Variants in LRBA observed in about 807,000 individuals in gnomAD.
The protein encoded by LRBA is lipopolysaccharide-responsive and beige-like anchor protein.
In LRBA, 176 loss-of-function variants were observed where a neutral mutation model predicts 330.0. The ratio of observed to expected loss-of-function variants is 0.53; its 90% CI spans 0.47 to 0.60. The LOEUF (loss-of-function observed/expected upper bound fraction) is 0.60. Ranked by LOEUF, LRBA falls within the 20% of genes least tolerant of loss-of-function variation. The probability of loss-of-function intolerance (pLI) is 0.00; values close to 1 mark genes in which losing one functional copy is unlikely to be tolerated. For missense variants in LRBA, 3,259 were observed against 3,444.8 expected (o/e 0.95, Z 1.35); for synonymous variants, 1,230 against 1,193.0 (o/e 1.03, Z -0.64).
At chr4:150,744,194 A>T (rs964757835) in intron 35 of LRBA, among the ~76,000 whole-genome samples, 6 of 152,236 alleles carry the variant, frequency 3.9e-5, no homozygotes, top group Non-Finnish European at 8.8e-5. Flanking sequence ...AGGGCTTTCA[A>T]GAGTACAGAT....
At chr4:150,875,997 C>A (rs529109038) in intron 17 of LRBA, among the ~76,000 whole-genome samples, 4 of 152,240 alleles carry the variant, frequency 2.6e-5, no homozygotes, top group South Asian at 2.1e-4. Flanking sequence ...CTAAAGCAAT[C>A]CAGGAGATGA....
intron 33 of LRBA, among the ~76,000 whole-genome samples, chr4:150,803,468 A>T (rs1462258494): frequency 6.6e-6 from 1 of 152,250 alleles, no homozygotes; most frequent in South Asian, 2.1e-4. Context: ...TCATTAAAAT[A>T]TTTTTAATAC....
At chr4:150,884,649 C>G (rs774891871) in intron 17 of LRBA, among the ~76,000 whole-genome samples, 15 of 152,026 alleles carry the variant, frequency 9.9e-5, no homozygotes, top group Non-Finnish European at 1.9e-4. Context: ...GAGCTGTAGA[C>G]CGTGGAGAAA....
At chr4:150,317,160 T>C (rs1298193504) in intron 50 of LRBA, among the ~76,000 whole-genome samples, 1 of 152,128 alleles carries the variant, frequency 6.6e-6, no homozygotes, top group African/African-American at 2.4e-5. Flanking sequence ...TCTGCAGCTA[T>C]TTCAACAGTT....
chr4:150,502,647 T>C (rs1430401877), intron 40 of LRBA, among the ~76,000 whole-genome samples: 1 of 152,218 alleles, frequency 6.6e-6, no homozygotes, highest in Non-Finnish European at 1.5e-5. Flanking sequence ...ACGGGTGATT[T>C]CTGCATTTCC....
intron 47 of LRBA, among the ~76,000 whole-genome samples, chr4:150,399,308 G>T (rs189172335): frequency 6.6e-6 from 1 of 152,152 alleles, no homozygotes; most frequent in African/African-American, 2.4e-5. Flanking sequence ...CTCCTTTCCT[G>T]TGACCATGGC....
chr4:150,759,997 C>A (rs1278823110), intron 35 of LRBA, among the ~76,000 whole-genome samples: 2 of 152,042 alleles, frequency 1.3e-5, no homozygotes, highest in East Asian at 1.9e-4. Context: ...TTCAAAATCA[C>A]CTCATATAAA....
chr4:150,432,418 T>C (rs1371069784), intron 46 of LRBA, among the ~76,000 whole-genome samples: 1 of 150,502 alleles, frequency 6.6e-6, no homozygotes, highest in Non-Finnish European at 1.5e-5. Flanking sequence ...AATATTTACA[T>C]ATATTTACAT....
chr4:150,410,066 A>G (rs1051697990), intron 47 of LRBA, among the ~76,000 whole-genome samples: 6 of 152,170 alleles, frequency 3.9e-5, no homozygotes, highest in Admixed American at 3.9e-4. Flanking sequence ...ACAATTTGAA[A>G]AAAGCTTCTG....
At chr4:150,627,588 C>T (rs1265525683) in intron 37 of LRBA, among the ~76,000 whole-genome samples, 1 of 151,836 alleles carries the variant, frequency 6.6e-6, no homozygotes, top group Non-Finnish European at 1.5e-5. Flanking sequence ...GTATATTCAG[C>T]CCTCATAAGA....
At chr4:150,271,962 C>T (rs1317277659) in intron 56 of LRBA, among the ~76,000 whole-genome samples, 1 of 152,208 alleles carries the variant, frequency 6.6e-6, no homozygotes, top group Admixed American at 6.5e-5. Context: ...CCCTGTCTGA[C>T]AGCTCTGAAG....
rs2126884852 is a variant in LRBA at position 150,844,119 on chromosome 4, G to T, written c.4550C>A (p.Ala1517Glu). The stretch of plus-strand genomic sequence containing the variant: ...ACTTACTATGTCTCTGAAAACAACT[G>T]CCCTAAGCCGATTAATATCCATGTC... ...LQDMDINRLRAVVFRDIEDSK... is the reference protein window; with the variant it reads ...LQDMDINRLREVVFRDIEDSK... The change falls in exon 28 of 57, where the codon GCA (alanine) becomes GAA (glutamate). Residue 1517 changes from alanine to glutamate, a missense_variant. Physicochemically the swap from Ala to Glu is moderately radical, Grantham distance 107. Transcript: ENST00000651943. 1 of 1,608,406 alleles carries T rather than the reference G, an allele frequency of 6.2e-7. No individual in the cohort carries two copies. The highest frequency in any genetic ancestry group is 2.2e-5 in the East Asian group (1 of 44,764).
At chr4:150,437,492 A>ACTCTCT (rs56695742) in intron 44 of LRBA, among the ~76,000 whole-genome samples, 9 of 147,878 alleles carry the variant, frequency 6.1e-5, no homozygotes, top group Non-Finnish European at 1.3e-4. Flanking sequence ...GCCGGCATGA[A>ACTCTCT]CTCTCTCTCT....
At chr4:150,537,627 A>C (rs1764806682) in intron 40 of LRBA, among the ~76,000 whole-genome samples, 1 of 152,170 alleles carries the variant, frequency 6.6e-6, no homozygotes, top group Non-Finnish European at 1.5e-5. Context: ...AACTTCATTC[A>C]ACAAGCAAAA....
chr4:150,378,228 T>C (rs907259072), intron 47 of LRBA, among the ~76,000 whole-genome samples: 3 of 152,188 alleles, frequency 2.0e-5, no homozygotes, highest in Admixed American at 2.0e-4. Flanking sequence ...TTGTACTCCA[T>C]TGAGTATAAT....
At chr4:150,348,581 A>G (rs909638455) in intron 48 of LRBA, among the ~76,000 whole-genome samples, 3 of 152,154 alleles carry the variant, frequency 2.0e-5, no homozygotes, top group Non-Finnish European at 4.4e-5. Context: ...AAATACAACC[A>G]ATCTCTTTTT....
At chr4:150,437,434 GATATATAC>G (rs912654266) in intron 44 of LRBA, among the ~76,000 whole-genome samples, 1 of 149,722 alleles carries the variant, frequency 6.7e-6, no homozygotes, top group African/African-American at 2.5e-5. Flanking sequence ...AGGATATATA[GATATATAC>G]ATATATATGT....
intron 36 of LRBA, among the ~76,000 whole-genome samples, chr4:150,686,197 T>G (rs1470974513): frequency 6.6e-6 from 1 of 152,202 alleles, no homozygotes; most frequent in South Asian, 2.1e-4. Flanking sequence ...GCAACCTCTG[T>G]GAGGGTACTT....
intron 48 of LRBA, among the ~76,000 whole-genome samples, chr4:150,346,757 C>CCAAAAAAAAAAAAAAAA (rs1206950764): frequency 4.5e-5 from 3 of 66,136 alleles, no homozygotes; most frequent in African/African-American, 2.3e-4. Flanking sequence ...GACTCTGTCT[C>CCAAAAAAAAAAAAAAAA]AAAAAAAAAA....
Sources: allele counts gnomAD v4.1 joint callset (sites outside exome capture counted in the v4.1 genomes callset), GRCh38; gene constraint gnomAD v4.1.1; transcripts MANE v1.5; gene names NCBI Gene and HGNC (gene_info 2026-07-23, HGNC 2026-07-21).